Variants in NRAP observed in about 807,000 individuals in gnomAD.
NRAP encodes the protein nebulin related anchoring protein.
A neutral mutation model predicts 225.9 loss-of-function variants in NRAP; 189 were observed. That is an observed-to-expected ratio of 0.84 (90% CI 0.74 to 0.94). The LOEUF (loss-of-function observed/expected upper bound fraction) is 0.94. Among genes scored for constraint, NRAP ranks in the 40% least tolerant of loss-of-function variants. The pLI is 0.00. For missense variants in NRAP, 2,176 were observed against 2,168.7 expected (o/e 1.00, Z -0.07); for synonymous variants, 769 against 790.7 (o/e 0.97, Z 0.46).
Position 113,606,180 on chromosome 10 carries a change from C to G in NRAP, c.3805G>C (p.Asp1269His). Residue 1269 changes from aspartate to histidine, a missense_variant and splice_region_variant, in exon 33 of 42, where the codon GAC (aspartate) becomes CAC (histidine). Asp to His is a moderately conservative substitution (Grantham distance 81, BLOSUM62 -1). This residue lies in a region of NRAP where 1,708 missense variants were observed against 1,695.5 expected (regional missense o/e 1.01). Transcript: ENST00000359988. ...ACTTAAGTAACAAAAGGGCTTACGT[C>G]ACTCAGGTTGGCTGCATTCGTTTTT... ...RAKTNAANLS[D>H]ARYKESWRNL... 6.2e-7 allele frequency: 1 copy of G among 1,610,236 alleles called. No homozygotes were observed. The highest frequency in any genetic ancestry group is 1.3e-5 in the African/African-American group (1 of 74,974).
intron 12 of NRAP, among the ~76,000 whole-genome samples, chr10:113,642,726 C>A (rs1439172598): frequency 6.6e-6 from 1 of 152,206 alleles, no homozygotes; most frequent in East Asian, 1.9e-4. Context: ...CCAGAGGACT[C>A]AGGGTCAAGA....
chr10:113,590,525 T>C, intron 40 of NRAP, 53 bp downstream of exon 40: 2 of 1,559,324 alleles, frequency 1.3e-6, no homozygotes, highest in Non-Finnish European at 1.7e-6. Flanking sequence ...GGCCATCTCT[T>C]AGGAAGAGGC....
At chr10:113,662,865 T>A (rs1281739035) in intron 2 of NRAP, 99 bp from the exon 3 acceptor site, 10 of 564,366 alleles carry the variant, frequency 1.8e-5, no homozygotes, top group Non-Finnish European at 3.0e-5. Context: ...CAGTTATTTT[T>A]AAAAAATCAA....
intron 11 of NRAP, among the ~76,000 whole-genome samples, chr10:113,645,299 A>G (rs1012750519): frequency 6.6e-6 from 1 of 152,218 alleles, no homozygotes; most frequent in Non-Finnish European, 1.5e-5. Flanking sequence ...CTTCTGAACC[A>G]CCAGAGAAAG....
At chr10:113,638,543 T>C (rs1387083643) in intron 14 of NRAP, among the ~76,000 whole-genome samples, 1 of 152,136 alleles carries the variant, frequency 6.6e-6, no homozygotes, top group East Asian at 1.9e-4. Flanking sequence ...AATCCCTACA[T>C]TATGGGTGAT....
chr10:113,626,329 C>G lies in NRAP; in HGVS notation c.2146-184G>C, dbSNP rs3127087. On this transcript the variant is annotated intron_variant, in intron 20 of 41. Transcript: ENST00000359988. Reference sequence around the variant, plus strand: ...CCCTGAGACAGCCTGTTCCAGTGAACTTGATTTAGTTGCTATTACTGAATG... The same window carrying G: ...CCCTGAGACAGCCTGTTCCAGTGAAGTTGATTTAGTTGCTATTACTGAATG... 0.29 allele frequency among the ~76,000 whole-genome samples: 43,977 copies of G among 152,084 alleles called. 6,573 individuals are homozygous for G. Among genetic ancestry groups the G allele is most frequent in the Admixed American group, 0.36 (5,512 of 15,280 alleles).
chr10:113,653,244 G>A (rs1317850822), intron 5 of NRAP, among the ~76,000 whole-genome samples: 3 of 152,064 alleles, frequency 2.0e-5, no homozygotes, highest in African/African-American at 7.2e-5. Context: ...ATGTCAAAGG[G>A]GCTCCTCTTC....
At chr10:113,612,149 C>A in intron 30 of NRAP, 85 bp downstream of exon 30, 1 of 1,099,468 alleles carries the variant, frequency 9.1e-7, no homozygotes, top group Non-Finnish European at 1.4e-6. Flanking sequence ...CCAGAGATTT[C>A]ACTGAGCCAA....
intron 14 of NRAP, among the ~76,000 whole-genome samples, chr10:113,637,186 T>C (rs1225816868): frequency 1.3e-5 from 2 of 152,170 alleles, no homozygotes; most frequent in East Asian, 1.9e-4. Flanking sequence ...ACATGGTACT[T>C]ACTATGCACC....
In NRAP at chr10:113,633,187, A is replaced by T; in HGVS notation, c.1529T>A (p.Val510Glu). The change falls in exon 16 of 42, where the codon GTG becomes GAG. Residue 510 changes from valine (V) to glutamate (E), a missense_variant and splice_region_variant. By Grantham distance (121) the Val-to-Glu change is moderately radical (BLOSUM62 -2). Coordinates refer to ENST00000359988, the MANE Select transcript of NRAP (RefSeq NM_198060.4). ...AKINAQQLSH[V>E]NYRADYEKNK... ...TTTCTCATAGTCAGCACGGTAATTC[A>T]CCTGTTGGATTTAAAATAAATCTGT... The T allele has an allele frequency of 6.5e-7, 1 of 1,540,074 alleles. No individual in the cohort carries two copies. Among genetic ancestry groups the T allele is most frequent in the Non-Finnish European group, 9.0e-7 (1 of 1,112,718 alleles).
chr10:113,592,996 T>A (rs907416519), intron 38 of NRAP, among the ~76,000 whole-genome samples: 2 of 152,134 alleles, frequency 1.3e-5, no homozygotes, highest in African/African-American at 4.8e-5. Context: ...AGTCCTCAGG[T>A]AGACCCACAT....
intron 9 of NRAP, among the ~76,000 whole-genome samples, chr10:113,648,467 C>CTCTCTCTCTATATATATATATATATA (rs749486311): frequency 1.1e-5 from 1 of 87,360 alleles, no homozygotes; most frequent in Non-Finnish European, 2.2e-5. Context: ...CTCTCTCTCT[C>CTCTCTCTCTATATATATATATATATA]TATATATATA....
intron 20 of NRAP, among the ~76,000 whole-genome samples, chr10:113,628,344 C>T (rs919766694): frequency 6.6e-6 from 1 of 152,138 alleles, no homozygotes; most frequent in Non-Finnish European, 1.5e-5. Context: ...CGTGCCACCA[C>T]ACCTGGCTGA....
chr10:113,624,891 A>T lies in NRAP; in HGVS notation c.2284T>A (p.Tyr762Asn), dbSNP rs529341512. The change falls in exon 22 of 42, where the codon TAT (tyrosine) becomes AAT (asparagine). Residue 762 changes from tyrosine to asparagine, a missense_variant. Transcript: ENST00000359988. ...AGAGGCTCGTCTTTGCTGATGGTAT[A>T]CTGATGGACAGACTGCTCATTTCCT... ...KAGNEQSVHQ[Y>N]TISKDEPLFL... 4 of 1,614,006 alleles carry T rather than the reference A, an allele frequency of 2.5e-6. No homozygotes were observed. The highest frequency in any genetic ancestry group is 2.2e-5 in the East Asian group (1 of 44,868).
At chr10:113,589,847 G>T (rs371816136) in intron 40 of NRAP, 50 bp from the exon 41 acceptor site, 3 of 1,589,492 alleles carry the variant, frequency 1.9e-6, no homozygotes, top group Middle Eastern at 1.7e-4. Flanking sequence ...GGTTTGGAGC[G>T]GTTTGACCAT....
rs1846930129 is a variant in NRAP at position 113,605,882 on chromosome 10, C to T, written c.3808-13G>A. Reference sequence around the variant, plus strand: ...CTTTGTATCTTGCCTAAAGTGGGAACACATGTAAATCTTTTTTAAAAAATT... The same window carrying T: ...CTTTGTATCTTGCCTAAAGTGGGAATACATGTAAATCTTTTTTAAAAAATT... On this transcript the variant is annotated splice_polypyrimidine_tract_variant and intron_variant, in intron 33 of 41. Coordinates refer to ENST00000359988, the MANE Select transcript of NRAP (RefSeq NM_198060.4). 1.9e-6 allele frequency: 3 copies of T among 1,582,074 alleles called. No individual in the cohort carries two copies. Among genetic ancestry groups the T allele is most frequent in the South Asian group, 1.1e-5 (1 of 89,752 alleles).
chr10:113,595,792 A>G, intron 37 of NRAP, 65 bp from the exon 38 acceptor site: 2 of 1,097,254 alleles, frequency 1.8e-6, no homozygotes, highest in Non-Finnish European at 2.8e-6. Flanking sequence ...GGGGAATAGC[A>G]ACTGACTCCC....
Position 113,627,571 on chromosome 10 carries a change from G to T in NRAP, c.2145+1346C>A, listed in dbSNP as rs540778350. On this transcript the variant is annotated intron_variant, in intron 20 of 41. Coordinates refer to ENST00000359988, the MANE Select transcript of NRAP (RefSeq NM_198060.4). ...GTCTCCAAGAAGCTAGATAATGAAA[G>T]CCCTAAAGGGTTATGCTTTTCTCTC... is the stretch of plus-strand genomic sequence containing the variant. Among the ~76,000 whole-genome samples, 3 of 152,264 alleles carry T rather than the reference G, an allele frequency of 2.0e-5. No homozygotes were observed. The South Asian group carries it at 6.2e-4, about 32-fold the overall frequency.
chr10:113,637,553 T>C (rs936372234), intron 14 of NRAP, among the ~76,000 whole-genome samples: 1 of 152,214 alleles, frequency 6.6e-6, no homozygotes, highest in African/African-American at 2.4e-5. Flanking sequence ...ACAAGTGAAC[T>C]TCTAGAACAG....
Sources: gnomAD v4.1 joint callset for allele counts (sites outside exome capture counted in the v4.1 genomes callset) on GRCh38, gnomAD v4.1.1 for gene constraint, gnomAD v4.1.1 regional missense constraint, MANE v1.5 for transcripts, NCBI Gene and HGNC (gene_info 2026-07-23, HGNC 2026-07-21) for gene names.